The following CENPP variants were observed in gnomAD, a reference collection of about 807,000 sequenced individuals.
CENPP encodes centromere protein P.
A neutral mutation model predicts 35.6 loss-of-function variants in CENPP; 24 were observed. The observed-to-expected ratio is 0.67, with a 90% CI of 0.49 to 0.95. The LOEUF (loss-of-function observed/expected upper bound fraction) is 0.95. CENPP is among the 40% of genes least tolerant of loss of function. The pLI, the probability that CENPP is intolerant of heterozygous loss-of-function variation, is 0.00. For missense variants in CENPP, 332 were observed against 345.3 expected, an observed-to-expected ratio of 0.96 and a Z score of 0.31; for synonymous variants, 120 against 125.5, an observed-to-expected ratio of 0.96 and a Z score of 0.29.
intron 5 of CENPP, among the ~76,000 whole-genome samples, chr9:92,454,044 C>T (rs1031409285): frequency 4.1e-4 from 62 of 152,246 alleles, no homozygotes; most frequent in African/African-American, 1.3e-3. Context: ...GTAATTTAGT[C>T]CTTCATAAAC....
chr9:92,540,690 G>T (rs1849298263), intron 5 of CENPP, among the ~76,000 whole-genome samples: 1 of 151,708 alleles, frequency 6.6e-6, no homozygotes, highest in Admixed American at 6.6e-5. Context: ...AGAATCACTT[G>T]AACCTGGGAG....
chr9:92,474,565 C>T (rs2131083475), intron 5 of CENPP: 1 of 1,543,156 alleles, frequency 6.5e-7, no homozygotes, highest in East Asian at 2.4e-5. Flanking sequence ...TTTTTCCATC[C>T]TTTAAATTGT....
intron 1 of CENPP, among the ~76,000 whole-genome samples, chr9:92,327,496 C>G: frequency 6.6e-6 from 1 of 152,152 alleles, no homozygotes; most frequent in Non-Finnish European, 1.5e-5. Flanking sequence ...GATGTGCTCA[C>G]CTGTACTGAA....
intron 1 of CENPP, among the ~76,000 whole-genome samples, chr9:92,331,964 GA>G (rs1484721310): frequency 6.7e-5 from 10 of 150,332 alleles, no homozygotes; most frequent in Non-Finnish European, 1.2e-4. Flanking sequence ...AAGGAAGAAA[GA>G]AAAAAAAAGT....
intron 5 of CENPP, among the ~76,000 whole-genome samples, chr9:92,524,708 G>A (rs1848287134): frequency 6.6e-6 from 1 of 152,062 alleles, no homozygotes; most frequent in Admixed American, 6.6e-5. Flanking sequence ...AAAACCCCAG[G>A]GATCATAAGA....
intron 5 of CENPP, among the ~76,000 whole-genome samples, chr9:92,478,420 G>T (rs998212326): frequency 2.6e-5 from 4 of 152,070 alleles, no homozygotes; most frequent in Non-Finnish European, 4.4e-5. Flanking sequence ...TAAGTTGGTT[G>T]ATTGTGCTTT....
intron 5 of CENPP, among the ~76,000 whole-genome samples, chr9:92,437,682 G>A (rs1301845399): frequency 6.6e-6 from 1 of 152,138 alleles, no homozygotes; most frequent in Non-Finnish European, 1.5e-5. Flanking sequence ...TGGGATTACA[G>A]GCATGAGCCA....
intron 5 of CENPP, chr9:92,416,539 T>A: frequency 2.2e-6 from 2 of 910,916 alleles, no homozygotes; most frequent in Non-Finnish European, 3.2e-6. Context: ...GTCTAAAGCA[T>A]AGCTTATTGA....
chr9:92,489,891 G>T lies in CENPP; in HGVS notation c.564+110032G>T, dbSNP rs559643689. ...CCCACTGGCCCACAGAGTCCAAGGG[G>T]TTTACTTCTGGCCCTTTACAGAGCA... On this transcript the variant is annotated intron_variant, in intron 5 of 7. Coordinates refer to ENST00000375587, the MANE Select transcript of CENPP (RefSeq NM_001012267.3). Among the ~76,000 whole-genome samples, 195 of 152,314 alleles carry T rather than the reference G, an allele frequency of 1.3e-3. 1 individual carries two copies. The highest frequency in any genetic ancestry group is 4.3e-3 in the African/African-American group (178 of 41,574).
intron 5 of CENPP, among the ~76,000 whole-genome samples, chr9:92,383,492 A>G (rs1280171660): frequency 6.6e-6 from 1 of 152,198 alleles, no homozygotes; most frequent in East Asian, 1.9e-4. Flanking sequence ...TAAAAAGTAA[A>G]TCATTTAAAA....
intron 5 of CENPP, among the ~76,000 whole-genome samples, chr9:92,455,903 C>G (rs1844863392): frequency 6.6e-6 from 1 of 152,140 alleles, no homozygotes; most frequent in Non-Finnish European, 1.5e-5. Context: ...AACCCCGTCT[C>G]TACTAAAGAT....
chr9:92,416,075 T>TA (rs1843596849), intron 5 of CENPP, among the ~76,000 whole-genome samples: 2 of 136,190 alleles, frequency 1.5e-5, no homozygotes, highest in East Asian at 2.3e-4. Flanking sequence ...TATATATTTA[T>TA]TTATTTATTT....
chr9:92,454,471 T>G (rs752031633), intron 5 of CENPP, among the ~76,000 whole-genome samples: 1 of 152,192 alleles, frequency 6.6e-6, no homozygotes, highest in Non-Finnish European at 1.5e-5. Flanking sequence ...CAGTAAACAT[T>G]TTTTACTTTT....
At chr9:92,395,169 A>G (rs1291886237) in intron 5 of CENPP, among the ~76,000 whole-genome samples, 4 of 152,140 alleles carry the variant, frequency 2.6e-5, no homozygotes, top group Non-Finnish European at 5.9e-5. Flanking sequence ...CACTCCAAAA[A>G]GTTTTCTCCT....
At chr9:92,556,737 G>C (rs898661902) in intron 5 of CENPP, among the ~76,000 whole-genome samples, 1 of 152,190 alleles carries the variant, frequency 6.6e-6, no homozygotes. Context: ...TATGTGTTAA[G>C]TGAGTCTCCT....
intron 5 of CENPP, among the ~76,000 whole-genome samples, chr9:92,449,577 A>G (rs748958593): frequency 1.3e-5 from 2 of 151,282 alleles, no homozygotes; most frequent in Non-Finnish European, 2.9e-5. Flanking sequence ...CATCAGTGAT[A>G]TGGTTTGGAT....
chr9:92,412,227 C>A (rs1564306872), intron 5 of CENPP, among the ~76,000 whole-genome samples: 1 of 152,052 alleles, frequency 6.6e-6, no homozygotes, highest in Non-Finnish European at 1.5e-5. Flanking sequence ...GCTAAGACTG[C>A]AGGCATGCAC....
chr9:92,600,650 T>C (rs973005240), intron 5 of CENPP: 4 of 1,430,966 alleles, frequency 2.8e-6, no homozygotes, highest in Non-Finnish European at 3.7e-6. Flanking sequence ...TCCCTTCTGG[T>C]GGGGGTTGTG....
At chr9:92,346,218 G>T (rs918568571) in intron 4 of CENPP, among the ~76,000 whole-genome samples, 1 of 151,912 alleles carries the variant, frequency 6.6e-6, no homozygotes, top group African/African-American at 2.4e-5. Context: ...TTAGAGATGG[G>T]GTCTCACTAT....
Sources: allele counts gnomAD v4.1 joint callset (sites outside exome capture counted in the v4.1 genomes callset), GRCh38; gene constraint gnomAD v4.1.1; transcripts MANE v1.5; gene names NCBI Gene and HGNC (gene_info 2026-07-23, HGNC 2026-07-21).